Variants in KSR2 observed in about 807,000 individuals in gnomAD.
KSR2 encodes the protein kinase suppressor of ras 2.
In KSR2, 25 loss-of-function variants were observed where a neutral mutation model predicts 107.8. The ratio of observed to expected loss-of-function variants is 0.23; its 90% CI spans 0.17 to 0.32. The LOEUF (loss-of-function observed/expected upper bound fraction) is 0.32. Among genes scored for constraint, KSR2 ranks in the 10% least tolerant of loss-of-function variants. The pLI, the probability that KSR2 is intolerant of heterozygous loss-of-function variation, is 1.00. For missense variants in KSR2, 887 were observed against 1,268.9 expected (o/e 0.70, Z 4.57); for synonymous variants, 480 against 507.0 (o/e 0.95, Z 0.71).
intron 4 of KSR2, among the ~76,000 whole-genome samples, chr12:117,690,381 T>C (rs1379804304): frequency 6.6e-6 from 1 of 152,128 alleles, no homozygotes; most frequent in Non-Finnish European, 1.5e-5. Flanking sequence ...CTGGCCAACA[T>C]GGCGAAACCC....
intron 1 of KSR2, among the ~76,000 whole-genome samples, chr12:117,888,187 C>T (rs888101830): frequency 2.6e-5 from 4 of 152,178 alleles, no homozygotes; most frequent in Admixed American, 6.5e-5. Flanking sequence ...TCAGTTTTTA[C>T]GTAGGGCACT....
intron 1 of KSR2, among the ~76,000 whole-genome samples, chr12:117,888,617 G>T (rs765167084): frequency 6.6e-6 from 1 of 152,208 alleles, no homozygotes; most frequent in Admixed American, 6.5e-5. Context: ...TCTCCACCAT[G>T]TGAGGACACA....
At chr12:117,767,784 C>CAAA (rs35307926) in intron 3 of KSR2, among the ~76,000 whole-genome samples, 4 of 85,780 alleles carry the variant, frequency 4.7e-5, no homozygotes, top group Admixed American at 1.3e-4. Flanking sequence ...GACTCCGTCT[C>CAAA]AAAAAAAAAA....
In KSR2 at chr12:117,473,262, T is replaced by C. The variant is rs190234566; in HGVS notation, c.2583-1942A>G. On this transcript the variant is annotated intron_variant, in intron 17 of 19. Coordinates refer to ENST00000339824, the MANE Select transcript of KSR2 (RefSeq NM_173598.6). ...CCTCTGGGAACTGTGAGTAACCATC[T>C]TTTCAAAGGCGACTGTTGGCCTCAT... is the stretch of plus-strand genomic sequence containing the variant. 3.3e-5 allele frequency among the ~76,000 whole-genome samples: 5 copies of C among 152,290 alleles called. No individual in the cohort carries two copies. The East Asian group carries it at 9.6e-4, about 29-fold the overall frequency.
At position 117,606,446 on chromosome 12, in the gene KSR2, TTCCTCCCTCCCTCCCC is replaced by T. The variant is rs1394954900; in HGVS notation, c.1172-24103_1172-24088del. 5.2e-4 allele frequency among the ~76,000 whole-genome samples: 39 copies of T among 74,540 alleles called. 2 individuals are homozygous for T. Among genetic ancestry groups the T allele is most frequent in the African/African-American group, 2.1e-3 (36 of 17,450 alleles). 48.9% of individuals were successfully genotyped at this position (74,540 alleles called of 152,430 possible). ...CCTCCTTCCTCCCTCCCTCCCCTCC[TTCCTCCCTCCCTCCCC>T]TCCTTCCTCCCTCCCTCCTCTCCTT... On this transcript the variant is annotated intron_variant, in intron 5 of 19. Transcript: ENST00000339824.
intron 5 of KSR2, among the ~76,000 whole-genome samples, chr12:117,631,006 A>G (rs1882782092): frequency 6.6e-6 from 1 of 152,200 alleles, no homozygotes; most frequent in Non-Finnish European, 1.5e-5. Flanking sequence ...GGGCTGTAGA[A>G]TAAGATTCTC....
At chr12:117,708,865 A>G (rs1886638515) in intron 4 of KSR2, among the ~76,000 whole-genome samples, 1 of 152,176 alleles carries the variant, frequency 6.6e-6, no homozygotes, top group Non-Finnish European at 1.5e-5. Context: ...CACAACAGTA[A>G]ACGGCTTAAA....
intron 4 of KSR2, among the ~76,000 whole-genome samples, chr12:117,708,090 C>A (rs1001420436): frequency 6.6e-6 from 1 of 152,108 alleles, no homozygotes; most frequent in Non-Finnish European, 1.5e-5. Flanking sequence ...GATATAGCAC[C>A]CAGAATTTTC....
chr12:117,606,526 T>TTCCTTCCTCCCTCCCC (rs1881268188), intron 5 of KSR2, among the ~76,000 whole-genome samples: 1 of 101,920 alleles, frequency 9.8e-6, no homozygotes. Flanking sequence ...CCTCCCCTCC[T>TTCCTTCCTCCCTCCCC]TCCTTCCTGC....
intron 17 of KSR2, among the ~76,000 whole-genome samples, chr12:117,472,110 C>T (rs565422146): frequency 6.6e-6 from 1 of 152,040 alleles, no homozygotes; most frequent in Non-Finnish European, 1.5e-5. Context: ...TTCCTGGGTA[C>T]GTCACTTCAC....
chr12:117,633,011 G>T (rs1182148858), intron 5 of KSR2, among the ~76,000 whole-genome samples: 1 of 152,160 alleles, frequency 6.6e-6, no homozygotes, highest in Non-Finnish European at 1.5e-5. Flanking sequence ...TCTATTTTTA[G>T]TTGCAGGAGA....
intron 4 of KSR2, among the ~76,000 whole-genome samples, chr12:117,670,392 C>T (rs150556221): frequency 6.6e-6 from 1 of 152,290 alleles, no homozygotes; most frequent in Admixed American, 6.5e-5. Flanking sequence ...ATGATGAGGA[C>T]ACCAAAGCAA....
intron 4 of KSR2, among the ~76,000 whole-genome samples, chr12:117,712,577 C>T (rs1321704296): frequency 6.6e-6 from 1 of 152,186 alleles, no homozygotes; most frequent in Non-Finnish European, 1.5e-5. Context: ...GTCCCTACCT[C>T]CTAGAGTGCT....
intron 4 of KSR2, among the ~76,000 whole-genome samples, chr12:117,673,205 C>T (rs1023979275): frequency 6.6e-6 from 1 of 151,098 alleles, no homozygotes; most frequent in African/African-American, 2.4e-5. Flanking sequence ...GTTAGTTGGA[C>T]AGAAGGATAG....
At chr12:117,772,840 G>A (rs779333240) in intron 3 of KSR2, among the ~76,000 whole-genome samples, 17 of 152,066 alleles carry the variant, frequency 1.1e-4, no homozygotes, top group Admixed American at 2.0e-4. Flanking sequence ...ACATCGACTC[G>A]CCCTCAAGTT....
At chr12:117,854,887 AT>A (rs1320425137) in intron 3 of KSR2, among the ~76,000 whole-genome samples, 5 of 151,022 alleles carry the variant, frequency 3.3e-5, no homozygotes, top group African/African-American at 9.8e-5. Flanking sequence ...AAAAAAAAAA[AT>A]TTAAGCAATA....
intron 19 of KSR2, 50 bp downstream of exon 19, chr12:117,469,612 A>G: frequency 6.3e-7 from 1 of 1,594,292 alleles, no homozygotes; most frequent in Non-Finnish European, 8.6e-7. Flanking sequence ...AAAGGTGACA[A>G]AGGGCAGAGG....
At chr12:117,792,626 G>A (rs1257597456) in intron 3 of KSR2, among the ~76,000 whole-genome samples, 1 of 152,190 alleles carries the variant, frequency 6.6e-6, no homozygotes. Context: ...GCCTCTCCCA[G>A]CCCCGCGGCC....
At chr12:117,881,981 G>A (rs1042388078) in intron 1 of KSR2, among the ~76,000 whole-genome samples, 3 of 152,222 alleles carry the variant, frequency 2.0e-5, no homozygotes, top group Admixed American at 6.5e-5. Context: ...ATGCTGGAGT[G>A]TCCTGCGCAT....
Sources: allele counts gnomAD v4.1 joint callset (sites outside exome capture counted in the v4.1 genomes callset), GRCh38; gene constraint gnomAD v4.1.1; transcripts MANE v1.5; gene names NCBI Gene and HGNC (gene_info 2026-07-23, HGNC 2026-07-21).